The following SBSPON variants were observed in gnomAD, a reference collection of about 807,000 sequenced individuals.
SBSPON encodes somatomedin B and thrombospondin type 1 domain containing, also known as somatomedin-B and thrombospondin type-1 domain-containing protein.
Under a neutral mutation model 35.8 loss-of-function variants are expected in SBSPON, and 30 were observed. The observed-to-expected ratio is 0.84, with a 90% CI of 0.63 to 1.14. SBSPON has a LOEUF of 1.14. Ranked by LOEUF, SBSPON falls within the 50% of genes most tolerant of loss-of-function variation. The probability of loss-of-function intolerance (pLI) is 0.00; values close to 1 mark genes in which losing one functional copy is unlikely to be tolerated. For synonymous variants in SBSPON, 136 were observed against 135.9 expected, an observed-to-expected ratio of 1.00 and a Z score of 0.00; for missense variants, 364 against 357.7, an observed-to-expected ratio of 1.02 and a Z score of -0.14.
intron 1 of SBSPON, among the ~76,000 whole-genome samples, chr8:73,092,142 T>G (rs187241820): frequency 6.6e-6 from 1 of 152,314 alleles, no homozygotes; most frequent in African/African-American, 2.4e-5. Flanking sequence ...TGTGGGAAAT[T>G]TAAAGTTGAA....
At position 73,069,899 on chromosome 8, in the gene SBSPON, G is replaced by C; in HGVS notation, c.583C>G (p.Leu195Val). The C allele has an allele frequency of 6.2e-7, 1 of 1,613,184 alleles. No homozygotes were observed. The highest frequency in any genetic ancestry group is 1.1e-5 in the South Asian group (1 of 91,028). ...NWPLTRWMQY[L>V]REGYTVCVDC... ...ACACACACCGTGTATCCCTCTCGGA[G>C]ATACTGCATCCATCTAGTCAAGGGC... is the stretch of plus-strand genomic sequence containing the variant. The change falls in exon 4 of 5, where the codon CTC becomes GTC. Residue 195 changes from leucine (L) to valine (V), a missense_variant. Leu to Val is a conservative substitution (Grantham distance 32). Coordinates refer to ENST00000297354, the MANE Select transcript of SBSPON (RefSeq NM_153225.4).
Position 73,067,427 on chromosome 8 carries a change from T to C in SBSPON, c.709A>G (p.Asn237Asp). Residue 237 changes from asparagine to aspartate, a missense_variant, in exon 5 of 5, where the codon AAT becomes GAT. Coordinates refer to ENST00000297354, the MANE Select transcript of SBSPON (RefSeq NM_153225.4). ...TTCCAAGTTCCTTGACACCGAGGAT[T>C]ACCAATTGCTTGCCAATGGAGAGTC... ...NQTLHWQAIG[N>D]PRCQGTWKKV... is the part of the protein sequence containing the mutation. 6.2e-7 allele frequency: 1 copy of C among 1,610,090 alleles called. No individual in the cohort carries two copies. The highest frequency in any genetic ancestry group is 8.5e-7 in the Non-Finnish European group (1 of 1,177,176).
chr8:73,093,068 G>A lies in SBSPON; in HGVS notation c.-1C>T. The A allele has an allele frequency of 7.5e-7, 1 of 1,337,134 alleles. No individual in the cohort carries two copies. 82.8% of individuals were successfully genotyped at this position (1,337,134 alleles called of 1,614,324 possible). A position where few individuals can be genotyped will look rare whatever the true frequency, so the allele number is the denominator to read the frequency against. ...ACAGCGCCATCCACAGGGTCCTCATGGCCAGGGCTCCGGCGGCGCCTGCGA... is the reference window on the plus strand; with the variant it reads ...ACAGCGCCATCCACAGGGTCCTCATAGCCAGGGCTCCGGCGGCGCCTGCGA... On this transcript the variant is annotated 5_prime_UTR_variant, in exon 1 of 5. Coordinates refer to ENST00000297354, the MANE Select transcript of SBSPON (RefSeq NM_153225.4).
chr8:73,077,756 T>G (rs867924763), intron 2 of SBSPON, among the ~76,000 whole-genome samples: 1 of 152,176 alleles, frequency 6.6e-6, no homozygotes, highest in Non-Finnish European at 1.5e-5. Context: ...TAGTAAGCCA[T>G]CATTTTTCAA....
rs116172634 is a variant in SBSPON at position 73,068,673 on chromosome 8, G to A, written c.677+1132C>T. ...CAGATTTATATAAGATTATTATACC[G>A]CAGAGGTGACCCCACCACTGTCTCA... On this transcript the variant is annotated intron_variant, in intron 4 of 4. Transcript: ENST00000297354. Among the ~76,000 whole-genome samples, 559 of 152,140 alleles carry A rather than the reference G, an allele frequency of 3.7e-3. 7 individuals carry two copies. Among genetic ancestry groups the A allele is most frequent in the African/African-American group, 0.013 (530 of 41,512 alleles).
rs1245170888 is a variant in SBSPON at position 73,093,088 on chromosome 8, C to A, written c.-21G>T. 1 of 1,291,532 alleles carries A rather than the reference C, an allele frequency of 7.7e-7. No homozygotes were observed. Among genetic ancestry groups the A allele is most frequent in the Non-Finnish European group, 9.8e-7 (1 of 1,016,682 alleles). 80.0% of individuals were successfully genotyped at this position (1,291,532 alleles called of 1,614,324 possible). ...CTCATGGCCAGGGCTCCGGCGGCGC[C>A]TGCGACGCGACAGACCCCCGGGGCA... On this transcript the variant is annotated 5_prime_UTR_variant, in exon 1 of 5. In the 5' UTR this introduces an upstream ATG that the reference lacks. Transcript: ENST00000297354.
rs546896131 is a variant in SBSPON, at chr8:73,072,896, G to A, written c.410-1026C>T. 1.1e-3 allele frequency among the ~76,000 whole-genome samples: 160 copies of A among 143,856 alleles called. 2 individuals carry two copies. In the South Asian group the frequency reaches 0.036, roughly 32 times the overall value. 94.4% of individuals were successfully genotyped at this position (143,856 alleles called of 152,430 possible). On this transcript the variant is annotated intron_variant, in intron 2 of 4. Coordinates refer to ENST00000297354, the MANE Select transcript of SBSPON (RefSeq NM_153225.4). The stretch of plus-strand genomic sequence containing the variant: ...CTCCCCACAACCCTCCCCCAACTCT[G>A]ATGCTCTGGGTCAGAGAAAAAAAAA...
intron 2 of SBSPON, among the ~76,000 whole-genome samples, chr8:73,079,638 C>CCCT (rs1810656796): frequency 6.6e-6 from 1 of 152,050 alleles, no homozygotes; most frequent in Non-Finnish European, 1.5e-5. Context: ...CCAGGAAAGC[C>CCCT]CCTCCTCCTC....
intron 1 of SBSPON, among the ~76,000 whole-genome samples, chr8:73,084,848 A>G (rs1052502977): frequency 6.6e-6 from 1 of 151,552 alleles, no homozygotes; most frequent in Non-Finnish European, 1.5e-5. Flanking sequence ...CATTGCCATA[A>G]TTCATAATTA....
intron 2 of SBSPON, among the ~76,000 whole-genome samples, chr8:73,079,116 C>A (rs1160349696): frequency 6.6e-6 from 1 of 152,194 alleles, no homozygotes; most frequent in African/African-American, 2.4e-5. Context: ...AATAGACAAA[C>A]AGGCAGATTT....
chr8:73,067,589 C>CTATATATATATATATATATATATATA lies in SBSPON; in HGVS notation c.678-132_678-131insTATATATATATATATATATATATATA, dbSNP rs1233223282. The CTATATATATATATATATATATATATA allele has an allele frequency of 1.5e-4, 16 of 104,276 alleles. No individual in the cohort carries two copies. The African/African-American group carries it at 2.0e-3, about 13-fold the overall frequency. The allele number at this position is 104,276 out of a possible 1,614,324, so 6.5% of individuals were successfully genotyped here. A position where few individuals can be genotyped will look rare whatever the true frequency, so the allele number is the denominator to read the frequency against. ...GCAATATAGTGAAACCCCGTCTCTA[C>CTATATATATATATATATATATATATA]TATATATATATATATATAGTTTTTT... On this transcript the variant is annotated intron_variant, in intron 4 of 4. Transcript: ENST00000297354.
At chr8:73,092,374 C>T (rs919752105) in intron 1 of SBSPON, among the ~76,000 whole-genome samples, 1 of 152,234 alleles carries the variant, frequency 6.6e-6, no homozygotes, top group African/African-American at 2.4e-5. Flanking sequence ...TCCCAGAGCA[C>T]GCCCTTGGCA....
At chr8:73,082,344 C>T (rs1418243779) in intron 1 of SBSPON, among the ~76,000 whole-genome samples, 5 of 152,078 alleles carry the variant, frequency 3.3e-5, no homozygotes, top group Admixed American at 2.0e-4. Flanking sequence ...AAGTGTGATC[C>T]GCTTTCCTAT....
chr8:73,079,649 C>T (rs1810656999), intron 2 of SBSPON, among the ~76,000 whole-genome samples: 1 of 152,098 alleles, frequency 6.6e-6, no homozygotes, highest in African/African-American at 2.4e-5. Context: ...CCTCCTCCTC[C>T]TTCTCCCCCA....
chr8:73,075,666 A>C (rs1228258311), intron 2 of SBSPON: 1 of 268,548 alleles, frequency 3.7e-6, no homozygotes. Flanking sequence ...CATGAAAGTA[A>C]ATTAAATTTG....
chr8:73,072,297 A>T (rs1338289356), intron 2 of SBSPON, among the ~76,000 whole-genome samples: 1 of 144,872 alleles, frequency 6.9e-6, no homozygotes, highest in East Asian at 1.9e-4. Flanking sequence ...AAAGGAAACA[A>T]AGAAGGATAG....
intron 1 of SBSPON, among the ~76,000 whole-genome samples, chr8:73,090,967 G>A (rs1810921568): frequency 6.6e-6 from 1 of 152,182 alleles, no homozygotes; most frequent in South Asian, 2.1e-4. Flanking sequence ...AATAAAGACA[G>A]GGTTTTCCAA....
At position 73,071,830 on chromosome 8, in the gene SBSPON, T is replaced by G; in HGVS notation, c.450A>C (p.Arg150Ser). The change falls in exon 3 of 5, where the codon AGA becomes AGC. Residue 150 changes from arginine to serine, a missense_variant. Coordinates refer to ENST00000297354, the MANE Select transcript of SBSPON (RefSeq NM_153225.4). ...AGTGTGGAGACGTAGCTTGTCGTGT[T>G]CTCTCCTTGTTGAATGCAGAGGTAG... is the stretch of plus-strand genomic sequence containing the variant. ...FITTSAFNKERTRQATSPHWS... is the reference protein window; with the variant it reads ...FITTSAFNKESTRQATSPHWS... 1 of 1,611,488 alleles carries G rather than the reference T, an allele frequency of 6.2e-7. No homozygotes were observed. The highest frequency in any genetic ancestry group is 8.5e-7 in the Non-Finnish European group (1 of 1,178,192).
intron 2 of SBSPON, among the ~76,000 whole-genome samples, chr8:73,080,208 G>A (rs527459712): frequency 6.6e-6 from 1 of 152,032 alleles, no homozygotes; most frequent in East Asian, 1.9e-4. Flanking sequence ...CAGGTAAAAC[G>A]AATCATTAAA....
Sources: allele counts gnomAD v4.1 joint callset (sites outside exome capture counted in the v4.1 genomes callset), GRCh38; gene constraint gnomAD v4.1.1; transcripts MANE v1.5; gene names NCBI Gene and HGNC (gene_info 2026-07-23, HGNC 2026-07-21).